Variants in SIN3B observed in about 807,000 individuals in gnomAD.
The protein encoded by SIN3B is SIN3 transcription regulator family member B.
A neutral mutation model predicts 120.2 loss-of-function variants in SIN3B; 19 were observed. That is an observed-to-expected ratio of 0.16 (90% CI 0.11 to 0.23). The LOEUF is 0.23. Ranked by LOEUF, SIN3B falls within the 10% of genes least tolerant of loss-of-function variation. The pLI is 1.00. For missense variants in SIN3B, 1,073 were observed against 1,573.0 expected, an observed-to-expected ratio of 0.68 and a Z score of 5.38; for synonymous variants, 654 against 653.2, an observed-to-expected ratio of 1.00 and a Z score of -0.02.
chr19:16,847,164 G>A, intron 5 of SIN3B, 51 bp downstream of exon 5: 1 of 1,578,462 alleles, frequency 6.3e-7, no homozygotes, highest in Non-Finnish European at 8.6e-7. Flanking sequence ...CGAGGACGGA[G>A]GGCCCCAGCC....
At chr19:16,841,338 C>T (rs1160547933) in intron 3 of SIN3B, among the ~76,000 whole-genome samples, 2 of 152,156 alleles carry the variant, frequency 1.3e-5, no homozygotes, top group Non-Finnish European at 2.9e-5. Context: ...TCTTATATAT[C>T]CTACCTTGGC....
intron 5 of SIN3B, among the ~76,000 whole-genome samples, chr19:16,850,941 T>G (rs1383161444): frequency 6.8e-6 from 1 of 147,022 alleles, no homozygotes; most frequent in East Asian, 2.0e-4. Context: ...GTTTTGTCAT[T>G]CATAGAAAAG....
intron 10 of SIN3B, among the ~76,000 whole-genome samples, chr19:16,864,323 AT>A (rs1253543112): frequency 1.3e-5 from 2 of 152,022 alleles, no homozygotes; most frequent in East Asian, 3.9e-4. Context: ...TAAAAATTAA[AT>A]TTATTTTTAT....
chr19:16,868,933 G>A (rs142465001), intron 12 of SIN3B, among the ~76,000 whole-genome samples: 4 of 152,282 alleles, frequency 2.6e-5, no homozygotes, highest in East Asian at 1.9e-4. Context: ...CAGGCCTTCC[G>A]GGTAGTAGAT....
chr19:16,848,290 A>G (rs750803714), intron 5 of SIN3B, among the ~76,000 whole-genome samples: 3 of 152,142 alleles, frequency 2.0e-5, no homozygotes, highest in South Asian at 2.1e-4. Context: ...CCTGGGTCAC[A>G]TGTTAATTCT....
At chr19:16,846,095 C>T (rs1971475274) in intron 4 of SIN3B, among the ~76,000 whole-genome samples, 1 of 152,198 alleles carries the variant, frequency 6.6e-6, no homozygotes, top group South Asian at 2.1e-4. Flanking sequence ...TTAAACTTCA[C>T]TCAGTGTGGT....
intron 3 of SIN3B, among the ~76,000 whole-genome samples, chr19:16,840,847 T>C (rs1157265650): frequency 6.6e-6 from 1 of 152,098 alleles, no homozygotes; most frequent in Non-Finnish European, 1.5e-5. Flanking sequence ...GACAGTGCAA[T>C]GAGTAAAATA....
rs181359878 is a variant in SIN3B, at chr19:16,860,711, C to T, written c.1059-1641C>T. ...TGCCTCCTGGGTTCACGCCATTCTCCTGCCTCAGCCTCTCCCAGTAGCTGG... is the reference window on the plus strand; with the variant it reads ...TGCCTCCTGGGTTCACGCCATTCTCTTGCCTCAGCCTCTCCCAGTAGCTGG... On this transcript the variant is annotated intron_variant, in intron 8 of 18. Coordinates refer to ENST00000248054, the MANE Select transcript of SIN3B (RefSeq NM_001297595.2). 6.3e-3 allele frequency among the ~76,000 whole-genome samples: 954 copies of T among 151,746 alleles called. 39 individuals are homozygous for T. The highest frequency in any genetic ancestry group is 0.059 in the Admixed American group (895 of 15,236).
chr19:16,832,709 C>T lies in SIN3B; in HGVS notation c.381+1062C>T, dbSNP rs142361304. Among the ~76,000 whole-genome samples, 13 of 151,910 alleles carry T rather than the reference C, an allele frequency of 8.6e-5. No individual in the cohort carries two copies. The East Asian group carries it at 2.5e-3, about 29-fold the overall frequency. On this transcript the variant is annotated intron_variant, in intron 3 of 18. Coordinates refer to ENST00000248054, the MANE Select transcript of SIN3B (RefSeq NM_001297595.2). Reference sequence around the variant, plus strand: ...GTAGCGACAGGGTCTCACTATGTTGCCCAGGGTTGGTCTCGATCTCCTGGC... The same window carrying T: ...GTAGCGACAGGGTCTCACTATGTTGTCCAGGGTTGGTCTCGATCTCCTGGC...
intron 14 of SIN3B, among the ~76,000 whole-genome samples, chr19:16,874,193 A>G (rs907170097): frequency 1.3e-5 from 2 of 152,260 alleles, no homozygotes; most frequent in Non-Finnish European, 2.9e-5. Context: ...GGCCACCTTC[A>G]GCTCATTCCT....
intron 3 of SIN3B, among the ~76,000 whole-genome samples, chr19:16,832,484 C>T (rs1971291706): frequency 6.6e-6 from 1 of 150,508 alleles, no homozygotes; most frequent in Non-Finnish European, 1.5e-5. Flanking sequence ...AGGCGTGAGC[C>T]ACCGTGCCCA....
chr19:16,874,408 T>C (rs1236697541), intron 14 of SIN3B, among the ~76,000 whole-genome samples: 1 of 147,254 alleles, frequency 6.8e-6, no homozygotes, highest in Non-Finnish European at 1.5e-5. Flanking sequence ...CTGGTCTGGC[T>C]TTGGTCTGAT....
chr19:16,861,764 A>C (rs376801872), intron 8 of SIN3B, among the ~76,000 whole-genome samples: 21 of 109,270 alleles, frequency 1.9e-4, no homozygotes, highest in African/African-American at 6.5e-4. Context: ...ACTCTGTCTC[A>C]AAAAAAAAAA....
chr19:16,833,123 C>T (rs1971300629), intron 3 of SIN3B, among the ~76,000 whole-genome samples: 1 of 152,144 alleles, frequency 6.6e-6, no homozygotes, highest in Non-Finnish European at 1.5e-5. Flanking sequence ...AGTGGACCAG[C>T]TCTCCCAACC....
intron 5 of SIN3B, among the ~76,000 whole-genome samples, chr19:16,847,917 C>T (rs949116700): frequency 3.3e-5 from 5 of 152,206 alleles, no homozygotes; most frequent in African/African-American, 1.2e-4. Flanking sequence ...ATTCACCTCC[C>T]CCAGCTCCTG....
rs150661186 is a variant in SIN3B, at chr19:16,876,501, C to T, written c.2782C>T (p.Arg928Cys). ...ENCFKVMFLQRKGQVIMTIEL... is the reference protein window; with the variant it reads ...ENCFKVMFLQCKGQVIMTIEL... ...TGCTCCGCAGGTGATGTTCCTGCAG[C>T]GCAAAGGGCAGGTGATCATGACCAT... Residue 928 changes from arginine (R) to cysteine (C), a missense_variant, in exon 16 of 19, where the codon CGC (arginine) becomes TGC (cysteine). Arg to Cys is a radical substitution (Grantham distance 180, BLOSUM62 -3). Around this residue, in one of 7 missense-constraint regions of SIN3B, gnomAD observed 311 missense variants for 400.3 expected, o/e 0.78. Coordinates refer to ENST00000248054, the MANE Select transcript of SIN3B (RefSeq NM_001297595.2). This position sits in a 1 kb window ranked among gnomAD's most constrained non-coding sequence, Gnocchi z 7.1. 5.6e-6 allele frequency: 9 copies of T among 1,613,104 alleles called. No individual in the cohort carries two copies. Among genetic ancestry groups the T allele is most frequent in the East Asian group, 2.2e-5 (1 of 44,874 alleles).
intron 3 of SIN3B, among the ~76,000 whole-genome samples, chr19:16,833,641 A>G (rs1286943996): frequency 6.6e-6 from 1 of 151,520 alleles, no homozygotes; most frequent in Non-Finnish European, 1.5e-5. Context: ...CAAAAAAAAA[A>G]AAAATTCTGC....
At chr19:16,856,083 C>A (rs944001656) in intron 8 of SIN3B, among the ~76,000 whole-genome samples, 7 of 152,214 alleles carry the variant, frequency 4.6e-5, no homozygotes, top group African/African-American at 1.7e-4. Flanking sequence ...ATATATTATA[C>A]CTCTGCTGCA....
chr19:16,878,139 C>T (rs1245232958), intron 17 of SIN3B, 44 bp from the exon 18 acceptor site: 2 of 1,469,176 alleles, frequency 1.4e-6, no homozygotes, highest in Non-Finnish European at 1.8e-6. Context: ...CCTCCTCCCA[C>T]AATGCCGAGA....
Sources: allele counts gnomAD v4.1 joint callset (sites outside exome capture counted in the v4.1 genomes callset), GRCh38; gene constraint gnomAD v4.1.1; regional missense constraint gnomAD v4.1.1; non-coding constraint Gnocchi (gnomAD v3.1); transcripts MANE v1.5; gene names NCBI Gene and HGNC (gene_info 2026-07-23, HGNC 2026-07-21).